The following SEPTIN2 variants were observed in gnomAD, a reference collection of about 807,000 sequenced individuals.
The protein encoded by SEPTIN2 is septin 2.
SEPTIN2 carries 34 observed loss-of-function variants against 46.5 expected under a neutral mutation model. The observed-to-expected ratio is 0.73, with a 90% CI of 0.56 to 0.97. The LOEUF is 0.97. Ranked by LOEUF, SEPTIN2 falls within the 50% of genes least tolerant of loss-of-function variation. The probability of loss-of-function intolerance (pLI) is 0.00; values close to 1 mark genes in which losing one functional copy is unlikely to be tolerated. For missense variants in SEPTIN2, 347 were observed against 448.4 expected (o/e 0.77, Z 2.04); for synonymous variants, 175 against 153.4 (o/e 1.14, Z -1.04).
Position 241,350,629 on chromosome 2 carries a change from G to A in SEPTIN2, c.*29+426G>A, listed in dbSNP as rs553871542. On this transcript the variant is annotated intron_variant, in intron 12 of 12. Coordinates refer to ENST00000391971, the MANE Select transcript of SEPTIN2 (RefSeq NM_004404.5). ...CTTGTACAGATTAAAAGTAGAGATG[G>A]CACAAGGAAGAAGAATTATGTGAGG... Among the ~76,000 whole-genome samples, 27 of 152,324 alleles carry A rather than the reference G, an allele frequency of 1.8e-4. No individual in the cohort carries two copies. In the East Asian group the frequency reaches 4.4e-3, roughly 25 times the overall value.
rs2077579177 is a variant in SEPTIN2 at position 241,324,254 on chromosome 2, T to A, written c.9+13T>A. Reference sequence around the variant, plus strand: ...AAAGATGTCTAAGGTAAGATCATACTTCATGTATCTACAGCATAAGGAGAA... The same window carrying A: ...AAAGATGTCTAAGGTAAGATCATACATCATGTATCTACAGCATAAGGAGAA... On this transcript the variant is annotated intron_variant, in intron 2 of 12. Transcript: ENST00000391971. The A allele has an allele frequency of 6.2e-7, 1 of 1,606,850 alleles. No homozygotes were observed. Among genetic ancestry groups the A allele is most frequent in the Non-Finnish European group, 8.5e-7 (1 of 1,176,152 alleles).
chr2:241,316,237 G>T (rs930287340), intron 1 of SEPTIN2: 4 of 365,366 alleles, frequency 1.1e-5, no homozygotes, highest in Non-Finnish European at 2.0e-5. Flanking sequence ...TGGGGATTCC[G>T]GTGACCCCTT....
intron 9 of SEPTIN2, among the ~76,000 whole-genome samples, chr2:241,344,208 G>A (rs374420623): frequency 6.6e-6 from 1 of 152,038 alleles, no homozygotes; most frequent in Admixed American, 6.5e-5. Flanking sequence ...CCTAAACTGG[G>A]GTCTGAGAGG....
chr2:241,317,488 C>T (rs904421669), intron 1 of SEPTIN2: 97 of 975,464 alleles, frequency 9.9e-5, no homozygotes, highest in Non-Finnish European at 1.2e-4. Flanking sequence ...CCTTTTTATC[C>T]CCAATACCAG....
At chr2:241,325,906 C>T in intron 2 of SEPTIN2, 87 bp from the exon 3 acceptor site, 2 of 1,291,454 alleles carry the variant, frequency 1.5e-6, no homozygotes, top group Non-Finnish European at 2.1e-6. Flanking sequence ...AACTGATAAC[C>T]TATGTTTGTT....
chr2:241,346,828 C>T (rs913221426), intron 10 of SEPTIN2, among the ~76,000 whole-genome samples: 3 of 152,062 alleles, frequency 2.0e-5, no homozygotes, highest in South Asian at 2.1e-4. Flanking sequence ...TCACTCTGTA[C>T]GTGAGGACAA....
intron 3 of SEPTIN2, among the ~76,000 whole-genome samples, chr2:241,327,084 G>A (rs1575185079): frequency 7.0e-6 from 1 of 142,260 alleles, no homozygotes; most frequent in South Asian, 2.2e-4. Context: ...AAAAATCCAG[G>A]CATTTACAGT....
chr2:241,336,268 A>C (rs2150051193), intron 5 of SEPTIN2, 170 bp downstream of exon 5: 1 of 728,864 alleles, frequency 1.4e-6, no homozygotes, highest in South Asian at 2.1e-5. Flanking sequence ...AATTTTATAG[A>C]GAGTAATTTT....
intron 11 of SEPTIN2, among the ~76,000 whole-genome samples, chr2:241,349,664 T>C (rs1418878094): frequency 1.3e-5 from 2 of 151,454 alleles, no homozygotes; most frequent in Admixed American, 1.3e-4. Flanking sequence ...CTACTGAAAA[T>C]ACAAAAATCA....
At chr2:241,332,296 C>T (rs1395314572) in intron 3 of SEPTIN2, among the ~76,000 whole-genome samples, 2 of 152,112 alleles carry the variant, frequency 1.3e-5, no homozygotes, top group Non-Finnish European at 1.5e-5. Context: ...GATATGTGTC[C>T]AGAATATATA....
Position 241,337,479 on chromosome 2 carries a change from C to T in SEPTIN2, c.439C>T (p.His147Tyr), listed in dbSNP as rs1559637217. 1 of 1,613,944 alleles carries T rather than the reference C, an allele frequency of 6.2e-7. No individual in the cohort carries two copies. The highest frequency in any genetic ancestry group is 2.2e-5 in the East Asian group (1 of 44,882). ...GCGGCACATCATTGATAATAGGGTGCATTGTTGCTTTTACTTTATTTCACC... is the reference window on the plus strand; with the variant it reads ...GCGGCACATCATTGATAATAGGGTGTATTGTTGCTTTTACTTTATTTCACC... ...NRRHIIDNRV[H>Y]CCFYFISPFG... Residue 147 changes from histidine (H) to tyrosine (Y), a missense_variant, in exon 6 of 13, where the codon CAT becomes TAT. Coordinates refer to ENST00000391971, the MANE Select transcript of SEPTIN2 (RefSeq NM_004404.5).
At chr2:241,337,353 A>G (rs770485653) in intron 5 of SEPTIN2, 29 bp from the exon 6 acceptor site, 11 of 1,603,490 alleles carry the variant, frequency 6.9e-6, no homozygotes, top group Non-Finnish European at 9.4e-6. Flanking sequence ...ATACCCTATG[A>G]TTATTGTTAA....
chr2:241,347,677 G>A (rs1301553967), intron 10 of SEPTIN2, among the ~76,000 whole-genome samples: 1 of 152,088 alleles, frequency 6.6e-6, no homozygotes, highest in African/African-American at 2.4e-5. Flanking sequence ...CATGTTGTTC[G>A]AACTTTTTAA....
intron 3 of SEPTIN2, among the ~76,000 whole-genome samples, chr2:241,334,741 T>G (rs2079624326): frequency 6.6e-6 from 1 of 152,228 alleles, no homozygotes; most frequent in Non-Finnish European, 1.5e-5. Context: ...TCTGAAAATG[T>G]GGTGAGTTTA....
chr2:241,335,220 C>T lies in SEPTIN2; in HGVS notation c.217+8C>T. 2 of 1,611,298 alleles carry T rather than the reference C, an allele frequency of 1.2e-6. No homozygotes were observed. The highest frequency in any genetic ancestry group is 1.7e-6 in the Non-Finnish European group (2 of 1,178,074). On this transcript the variant is annotated splice_region_variant and intron_variant, in intron 4 of 12. Transcript: ENST00000391971. ...TCATACCTGGAGCAGCAGGTAAAAA[C>T]ATTCTTATGTTACTGTAAGTGTAAT...
intron 1 of SEPTIN2, chr2:241,316,692 G>A: frequency 1.8e-6 from 1 of 546,124 alleles, no homozygotes. Context: ...AGACAAACCT[G>A]GCTTGCTTTT....
intron 7 of SEPTIN2, among the ~76,000 whole-genome samples, chr2:241,340,769 ATCACT>A (rs1278806883): frequency 6.6e-6 from 1 of 152,136 alleles, no homozygotes; most frequent in Non-Finnish European, 1.5e-5. Context: ...GGCCTCATTA[ATCACT>A]TCTCTTCCTC....
intron 1 of SEPTIN2, among the ~76,000 whole-genome samples, chr2:241,322,391 G>C (rs951936916): frequency 6.6e-6 from 1 of 151,858 alleles, no homozygotes; most frequent in African/African-American, 2.4e-5. Flanking sequence ...GGGTCATGAG[G>C]TCAGGAGATC....
chr2:241,340,017 T>C (rs2081041793), intron 7 of SEPTIN2, among the ~76,000 whole-genome samples: 1 of 152,220 alleles, frequency 6.6e-6, no homozygotes, highest in South Asian at 2.1e-4. Flanking sequence ...ACATCTATCT[T>C]TTCACAATTG....
Sources: allele counts gnomAD v4.1 joint callset (sites outside exome capture counted in the v4.1 genomes callset), GRCh38; gene constraint gnomAD v4.1.1; transcripts MANE v1.5; gene names NCBI Gene and HGNC (gene_info 2026-07-23, HGNC 2026-07-21).